Variants in MBTD1 observed in about 807,000 individuals in gnomAD.
MBTD1 encodes MBT domain-containing protein 1.
In MBTD1, 24 loss-of-function variants were observed where a neutral mutation model predicts 87.8. That is an observed-to-expected ratio of 0.27 (90% confidence interval 0.20 to 0.38). MBTD1 has a LOEUF of 0.38. Among genes scored for constraint, MBTD1 ranks in the 10% least tolerant of loss-of-function variants. MBTD1 has a pLI of 1.00. For missense variants in MBTD1, 436 were observed against 760.2 expected (o/e 0.57, Z 5.02); for synonymous variants, 237 against 248.6 (o/e 0.95, Z 0.44).
chr17:51,259,075 T>G (rs1432459388), intron 2 of MBTD1, 68 bp downstream of exon 2: 1 of 401,576 alleles, frequency 2.5e-6, no homozygotes, highest in African/African-American at 2.1e-5. Flanking sequence ...TACTGAAATA[T>G]GGGCTTTCCT....
In MBTD1 at chr17:51,214,078, C is replaced by CAT. The variant is rs752674946; in HGVS notation, c.486+3254_486+3255dup. Among the ~76,000 whole-genome samples the CAT allele has an allele frequency of 1.7e-4, 26 of 151,624 alleles. 1 individual carries two copies. The highest frequency in any genetic ancestry group is 4.1e-4 in the African/African-American group (17 of 41,244). On this transcript the variant is annotated intron_variant, in intron 6 of 16. Transcript: ENST00000586178. ...GTGTATATATATGTATAAACACACA[C>CAT]ATATATATATACATACACACATATG...
intron 3 of MBTD1, among the ~76,000 whole-genome samples, chr17:51,222,292 G>GC (rs753628693): frequency 4.0e-4 from 61 of 152,276 alleles, no homozygotes; most frequent in Non-Finnish European, 6.8e-4. Flanking sequence ...TCAAACCATG[G>GC]CAAGAATATA....
chr17:51,244,037 T>G (rs1025505365), intron 2 of MBTD1, among the ~76,000 whole-genome samples: 3 of 152,202 alleles, frequency 2.0e-5, no homozygotes, highest in African/African-American at 7.2e-5. Flanking sequence ...TGTTAAGGTG[T>G]AGTCCAGTTT....
chr17:51,238,966 AAT>A (rs2054007864), intron 2 of MBTD1, among the ~76,000 whole-genome samples: 1 of 151,920 alleles, frequency 6.6e-6, no homozygotes, highest in African/African-American at 2.4e-5. Context: ...TGGGTGTGGT[AAT>A]GTGCGTCTGT....
intron 2 of MBTD1, among the ~76,000 whole-genome samples, chr17:51,232,634 G>T (rs190841751): frequency 6.6e-6 from 1 of 152,164 alleles, no homozygotes; most frequent in Non-Finnish European, 1.5e-5. Flanking sequence ...TAAGAGAACA[G>T]AATGTAAAGA....
At chr17:51,182,229 A>G (rs1399334298) in intron 16 of MBTD1, among the ~76,000 whole-genome samples, 6 of 148,256 alleles carry the variant, frequency 4.0e-5, no homozygotes, top group Middle Eastern at 3.6e-3. Flanking sequence ...GGTTCAAGTG[A>G]TTCTCATGCC....
In MBTD1 at chr17:51,179,518, A is replaced by ATATTTATATT. The variant is rs1568136377; in HGVS notation, c.*1057_*1058insAATATAAATA. The stretch of plus-strand genomic sequence containing the variant: ...TATATATATATATATATATATATAT[A>ATATTTATATT]TATATATATATATATATATGGAATT... On this transcript the variant is annotated 3_prime_UTR_variant, in exon 17 of 17. Coordinates refer to ENST00000586178, the MANE Select transcript of MBTD1 (RefSeq NM_017643.3). 27 of 100,604 alleles carry ATATTTATATT rather than the reference A, an allele frequency of 2.7e-4. 1 individual carries two copies. Among genetic ancestry groups the ATATTTATATT allele is most frequent in the Non-Finnish European group, 5.0e-4 (23 of 46,244 alleles). 6.2% of individuals were successfully genotyped at this position (100,604 alleles called of 1,614,324 possible). A position where few individuals can be genotyped will look rare whatever the true frequency, so the allele number is the denominator to read the frequency against.
chr17:51,234,846 A>C (rs577183887), intron 2 of MBTD1, among the ~76,000 whole-genome samples: 104 of 151,994 alleles, frequency 6.8e-4, no homozygotes, highest in Non-Finnish European at 1.2e-3. Context: ...GGCATATACC[A>C]CCACGCCTGG....
chr17:51,179,925 T>C lies in MBTD1; in HGVS notation c.*651A>G, dbSNP rs1376845798. 6.6e-6 allele frequency: 1 copy of C among 152,118 alleles called. No homozygotes were observed. The highest frequency in any genetic ancestry group is 1.9e-4 in the East Asian group (1 of 5,198). The allele number at this position is 152,118 out of a possible 1,614,324, so 9.4% of individuals were successfully genotyped here. ...ATTTTTTTAATTAAAAGAGAACATA[T>C]AAAAGTATCCAGAGTTCTTCCAGTT... On this transcript the variant is annotated 3_prime_UTR_variant, in exon 17 of 17. Transcript: ENST00000586178.
intron 16 of MBTD1, among the ~76,000 whole-genome samples, chr17:51,182,807 T>C (rs972697886): frequency 3.9e-5 from 6 of 152,224 alleles, no homozygotes; most frequent in Non-Finnish European, 5.9e-5. Context: ...AAAAATCAAC[T>C]GATGAGAATG....
intron 2 of MBTD1, chr17:51,250,961 T>A (rs550049136): frequency 3.9e-5 from 6 of 152,362 alleles, no homozygotes; most frequent in African/African-American, 1.4e-4. Flanking sequence ...TTATTGGTTA[T>A]GATTTTATCT....
intron 2 of MBTD1, among the ~76,000 whole-genome samples, chr17:51,247,581 T>G (rs2054522265): frequency 6.6e-6 from 1 of 151,944 alleles, no homozygotes; most frequent in Admixed American, 6.6e-5. Context: ...CCCAAGTAGC[T>G]GGGACTATAG....
In MBTD1 at chr17:51,259,741, G is replaced by A; in HGVS notation, c.-113+94C>T. 5 of 1,142,620 alleles carry A rather than the reference G, an allele frequency of 4.4e-6. No individual in the cohort carries two copies. In the South Asian group the frequency reaches 1.8e-4, roughly 40 times the overall value. The allele number at this position is 1,142,620 out of a possible 1,614,324, so 70.8% of individuals were successfully genotyped here. ...GTGGGATGGAGAAGCAGGCCAGGGA[G>A]CGGGGTCAGGGAGCTGCGGGGTTCC... On this transcript the variant is annotated intron_variant, in intron 1 of 16. Coordinates refer to ENST00000586178, the MANE Select transcript of MBTD1 (RefSeq NM_017643.3).
chr17:51,258,413 C>T (rs1016685350), intron 2 of MBTD1, among the ~76,000 whole-genome samples: 22 of 151,902 alleles, frequency 1.4e-4, no homozygotes, highest in African/African-American at 5.3e-4. Flanking sequence ...AGTACTGGTG[C>T]ATGCTAATAT....
At chr17:51,224,078 T>C (rs1382872496) in intron 3 of MBTD1, among the ~76,000 whole-genome samples, 1 of 152,206 alleles carries the variant, frequency 6.6e-6, no homozygotes, top group Non-Finnish European at 1.5e-5. Flanking sequence ...GAGATAAAGG[T>C]TGAATGATCT....
At chr17:51,201,917 T>C in intron 11 of MBTD1, 105 bp downstream of exon 11, 1 of 809,228 alleles carries the variant, frequency 1.2e-6, no homozygotes. Context: ...TCTTAATTCT[T>C]TTAAGTGAAC....
chr17:51,252,375 C>G (rs2054838800), intron 2 of MBTD1, among the ~76,000 whole-genome samples: 1 of 152,140 alleles, frequency 6.6e-6, no homozygotes, highest in Non-Finnish European at 1.5e-5. Context: ...GCATACAAAA[C>G]AAGCATCAAA....
At chr17:51,253,029 T>G (rs1166419107) in intron 2 of MBTD1, among the ~76,000 whole-genome samples, 3 of 152,084 alleles carry the variant, frequency 2.0e-5, no homozygotes, top group South Asian at 2.1e-4. Flanking sequence ...CCATTTTTTT[T>G]GGAATACTTT....
intron 3 of MBTD1, among the ~76,000 whole-genome samples, chr17:51,221,893 AG>A (rs1232093580): frequency 6.6e-6 from 1 of 152,254 alleles, no homozygotes; most frequent in African/African-American, 2.4e-5. Flanking sequence ...CATGGATACC[AG>A]GGGACAACTG....
Sources: gnomAD v4.1 joint callset for allele counts (sites outside exome capture counted in the v4.1 genomes callset) on GRCh38, gnomAD v4.1.1 for gene constraint, MANE v1.5 for transcripts, NCBI Gene and HGNC (gene_info 2026-07-23, HGNC 2026-07-21) for gene names.